The following COP1 variants were observed in gnomAD, a reference collection of about 807,000 sequenced individuals.
COP1 encodes the protein COP1 E3 ubiquitin ligase, also known as E3 ubiquitin-protein ligase COP1.
In COP1, 24 loss-of-function variants were observed where a neutral mutation model predicts 101.3. That is an observed-to-expected ratio of 0.24 (90% CI 0.17 to 0.33). The LOEUF is 0.33. COP1 is among the 10% of genes least tolerant of loss of function. The pLI, the probability that COP1 is intolerant of heterozygous loss-of-function variation, is 1.00. For missense variants in COP1, 663 were observed against 906.2 expected (o/e 0.73, Z 3.45); for synonymous variants, 347 against 341.9 (o/e 1.01, Z -0.17).
At chr1:176,067,886 C>T (rs544595535) in intron 11 of COP1, among the ~76,000 whole-genome samples, 1 of 152,204 alleles carries the variant, frequency 6.6e-6, no homozygotes, top group African/African-American at 2.4e-5. Flanking sequence ...TCAGAGCCCA[C>T]GCTCCCACGA....
chr1:176,148,495 G>A (rs74127188), intron 6 of COP1, among the ~76,000 whole-genome samples: 8,980 of 151,996 alleles, frequency 0.059, 590 homozygotes, highest in African/African-American at 0.16. Flanking sequence ...TGAAATGACT[G>A]AGAAATTTTA....
At chr1:176,080,980 C>T (rs547754832) in intron 11 of COP1, among the ~76,000 whole-genome samples, 172 bp downstream of exon 11, 21 of 152,084 alleles carry the variant, frequency 1.4e-4, no homozygotes, top group South Asian at 6.2e-4. Flanking sequence ...ACTTTAGAGA[C>T]GAAGAAATTT....
chr1:176,013,341 A>T (rs1665031664), intron 15 of COP1, among the ~76,000 whole-genome samples: 1 of 152,178 alleles, frequency 6.6e-6, no homozygotes, highest in Non-Finnish European at 1.5e-5. Context: ...GAAAAACACA[A>T]GATGATGATG....
chr1:176,007,353 C>A (rs2148919857), intron 15 of COP1, among the ~76,000 whole-genome samples: 1 of 152,330 alleles, frequency 6.6e-6, no homozygotes, highest in South Asian at 2.1e-4. Flanking sequence ...TCGTCAAAGT[C>A]ATTCTCCATC....
chr1:175,965,486 T>G (rs574559405), intron 18 of COP1, among the ~76,000 whole-genome samples: 1 of 152,338 alleles, frequency 6.6e-6, no homozygotes, highest in South Asian at 2.1e-4. Flanking sequence ...TTCTTTTATT[T>G]AAAGCACTTT....
At position 176,034,931 on chromosome 1, in the gene COP1, A is replaced by G. The variant is rs1196734838; in HGVS notation, c.1613-7243T>C. Among the ~76,000 whole-genome samples, 3 of 152,170 alleles carry G rather than the reference A, an allele frequency of 2.0e-5. No homozygotes were observed. The East Asian group carries it at 5.8e-4, about 29-fold the overall frequency. ...CAGTCTAAATCTAAGCCAACTGATC[A>G]CCTACTAAGAAATGAAGAAACAAAC... On this transcript the variant is annotated intron_variant, in intron 14 of 19. Transcript: ENST00000367669.
chr1:176,173,508 C>G (rs563057607), intron 3 of COP1, among the ~76,000 whole-genome samples: 1 of 150,658 alleles, frequency 6.6e-6, no homozygotes, highest in African/African-American at 2.4e-5. Flanking sequence ...GGTATGGTGG[C>G]GCATGTCTGT....
chr1:176,019,529 C>T (rs987241568), intron 15 of COP1, among the ~76,000 whole-genome samples: 3 of 148,608 alleles, frequency 2.0e-5, no homozygotes, highest in South Asian at 4.2e-4. Context: ...ATCATCACTA[C>T]TACTACCACC....
rs1328762657 is a variant in COP1, at chr1:175,983,779, G to A, written c.2133+3164C>T. Among the ~76,000 whole-genome samples, 4 of 152,174 alleles carry A rather than the reference G, an allele frequency of 2.6e-5. No individual in the cohort carries two copies. In the South Asian group the frequency reaches 6.2e-4, roughly 24 times the overall value. On this transcript the variant is annotated intron_variant, in intron 18 of 19. Coordinates refer to ENST00000367669, the MANE Select transcript of COP1 (RefSeq NM_022457.7). ...CTGAGGTGGTCTCAGATGGAGATGA[G>A]GAACTTGCTGGGAAATAGAGCAAAG...
intron 18 of COP1, among the ~76,000 whole-genome samples, chr1:175,955,918 C>T (rs1477530662): frequency 6.6e-6 from 1 of 152,068 alleles, no homozygotes; most frequent in African/African-American, 2.4e-5. Context: ...AATGCCAATT[C>T]TTCTTACATT....
chr1:176,188,705 G>C (rs1698761327), intron 1 of COP1, among the ~76,000 whole-genome samples: 2 of 151,992 alleles, frequency 1.3e-5, no homozygotes, highest in Non-Finnish European at 2.9e-5. Flanking sequence ...GTTTTGGGGA[G>C]CCACAAATTG....
intron 9 of COP1, among the ~76,000 whole-genome samples, chr1:176,099,586 C>G (rs1683028989): frequency 6.6e-6 from 1 of 150,966 alleles, no homozygotes; most frequent in Admixed American, 6.6e-5. Context: ...GTGTTCTTAA[C>G]TTATGGCAAT....
intron 15 of COP1, among the ~76,000 whole-genome samples, chr1:175,999,971 A>G (rs1453092490): frequency 2.0e-5 from 3 of 151,876 alleles, no homozygotes; most frequent in Non-Finnish European, 4.4e-5. Flanking sequence ...TTTTTTCCCT[A>G]CAAAATTGTC....
chr1:176,202,676 GA>G (rs200753525), intron 1 of COP1, among the ~76,000 whole-genome samples: 5 of 149,320 alleles, frequency 3.3e-5, no homozygotes, highest in African/African-American at 7.4e-5. Flanking sequence ...TCAAAAAAAG[GA>G]AAAAAAAAAT....
intron 15 of COP1, among the ~76,000 whole-genome samples, chr1:176,015,630 T>C (rs1481080261): frequency 1.3e-5 from 2 of 152,222 alleles, no homozygotes; most frequent in Non-Finnish European, 2.9e-5. Context: ...GCTGCCTGGT[T>C]ACAGTAATGG....
chr1:176,037,768 G>A (rs1669826185), intron 14 of COP1, among the ~76,000 whole-genome samples: 1 of 151,998 alleles, frequency 6.6e-6, no homozygotes, highest in Admixed American at 6.6e-5. Context: ...AGCAAACAAG[G>A]GAATGGAAAA....
rs1467893552 is a variant in COP1, at chr1:176,163,055, G to A, written c.643-67C>T. The A allele has an allele frequency of 2.0e-6, 3 of 1,463,640 alleles. No individual in the cohort carries two copies. In the Admixed American group the frequency reaches 6.7e-5, roughly 33 times the overall value. The allele number at this position is 1,463,640 out of a possible 1,614,324, so 90.7% of individuals were successfully genotyped here. A position where few individuals can be genotyped will look rare whatever the true frequency, so the allele number is the denominator to read the frequency against. On this transcript the variant is annotated intron_variant, in intron 4 of 19. Transcript: ENST00000367669. ...GACTGTTTTAGAGACTAAAACAAATGTTTACTTGCTACTTCCTAATATGCT... is the reference window on the plus strand; with the variant it reads ...GACTGTTTTAGAGACTAAAACAAATATTTACTTGCTACTTCCTAATATGCT...
chr1:176,021,047 C>T (rs1666679592), intron 15 of COP1, among the ~76,000 whole-genome samples: 1 of 152,120 alleles, frequency 6.6e-6, no homozygotes, highest in Admixed American at 6.5e-5. Context: ...AATCACAGCT[C>T]ACTATAACCT....
chr1:176,170,295 A>C (rs557244224), intron 3 of COP1, among the ~76,000 whole-genome samples: 1 of 152,320 alleles, frequency 6.6e-6, no homozygotes, highest in South Asian at 2.1e-4. Flanking sequence ...ATCCTTTCCA[A>C]AAGGTTTTCC....
Sources: allele counts gnomAD v4.1 joint callset (sites outside exome capture counted in the v4.1 genomes callset), GRCh38; gene constraint gnomAD v4.1.1; transcripts MANE v1.5; gene names NCBI Gene and HGNC (gene_info 2026-07-23, HGNC 2026-07-21).